The following COG4 variants were observed in gnomAD, a reference collection of about 807,000 sequenced individuals.
The protein encoded by COG4 is conserved oligomeric Golgi complex subunit 4.
Under a neutral mutation model 95.1 loss-of-function variants are expected in COG4, and 65 were observed. That is an observed-to-expected ratio of 0.68 (90% CI 0.56 to 0.84). The LOEUF (loss-of-function observed/expected upper bound fraction) is 0.84. COG4 is among the 40% of genes least tolerant of loss of function. COG4 has a pLI of 0.00. For missense variants in COG4, 1,045 were observed against 989.1 expected, an observed-to-expected ratio of 1.06 and a Z score of -0.76; for synonymous variants, 421 against 374.8, an observed-to-expected ratio of 1.12 and a Z score of -1.42.
chr16:70,494,322 G>A (rs1325056150), intron 12 of COG4, among the ~76,000 whole-genome samples: 1 of 152,166 alleles, frequency 6.6e-6, no homozygotes, highest in Non-Finnish European at 1.5e-5. Flanking sequence ...CCTAGTAAGC[G>A]TGGATTCACT....
chr16:70,503,166 C>T (rs1020916579), intron 8 of COG4, among the ~76,000 whole-genome samples: 2 of 152,180 alleles, frequency 1.3e-5, no homozygotes, highest in African/African-American at 4.8e-5. Context: ...ATCCTCCCAC[C>T]TCAGCCTCCC....
At chr16:70,519,537 T>G (rs1248772550) in intron 2 of COG4, 112 bp downstream of exon 2, 2 of 763,864 alleles carry the variant, frequency 2.6e-6, no homozygotes, top group Non-Finnish European at 4.6e-6. Flanking sequence ...GATAATACCC[T>G]TTACATTTCA....
chr16:70,523,305 G>A, intron 1 of COG4, 68 bp downstream of exon 1: 1 of 1,586,928 alleles, frequency 6.3e-7, no homozygotes, highest in South Asian at 1.1e-5. Flanking sequence ...CCACAGCCCG[G>A]ATTTCCCGAC....
intron 8 of COG4, among the ~76,000 whole-genome samples, chr16:70,506,032 G>C (rs530266693): frequency 1.3e-5 from 2 of 151,926 alleles, no homozygotes; most frequent in African/African-American, 4.8e-5. Context: ...TGTAATTCCA[G>C]CACTTTGGGA....
intron 5 of COG4, among the ~76,000 whole-genome samples, chr16:70,510,464 A>G (rs2049677494): frequency 2.6e-5 from 4 of 152,190 alleles, no homozygotes; most frequent in Admixed American, 2.6e-4. Flanking sequence ...CTGGAACTAT[A>G]GGCGAGAGCC....
In COG4 at chr16:70,483,852, C is replaced by T; in HGVS notation, c.1827+1G>A. 2 of 1,608,938 alleles carry T rather than the reference C, an allele frequency of 1.2e-6. No individual in the cohort carries two copies. Among genetic ancestry groups the T allele is most frequent in the Non-Finnish European group, 1.7e-6 (2 of 1,175,816 alleles). The stretch of plus-strand genomic sequence containing the variant: ...AGTCAGCAGTTGAACCTGGGGCTTA[C>T]CTGCAAGAGGTCTCGGAATTTGTTG... On this transcript the variant is annotated splice_donor_variant, in intron 14 of 18. Transcript: ENST00000323786. LOFTEE classifies it high-confidence loss of function.
At chr16:70,488,668 C>A (rs1319815249) in intron 13 of COG4, among the ~76,000 whole-genome samples, 1 of 152,220 alleles carries the variant, frequency 6.6e-6, no homozygotes, top group Non-Finnish European at 1.5e-5. Context: ...CTGCCTCAGC[C>A]TCCCGAGTAG....
In COG4 at chr16:70,483,868, G is replaced by T; in HGVS notation, c.1812C>A (p.Phe604Leu). The T allele has an allele frequency of 6.2e-7, 1 of 1,613,304 alleles. No individual in the cohort carries two copies. Among genetic ancestry groups the T allele is most frequent in the Non-Finnish European group, 8.5e-7 (1 of 1,179,812 alleles). The change falls in exon 14 of 19, where the codon TTC becomes TTA. Residue 604 changes from phenylalanine (F) to leucine (L), a missense_variant. Phe to Leu is a conservative substitution (Grantham distance 22). Coordinates refer to ENST00000323786, the MANE Select transcript of COG4 (RefSeq NM_015386.3). ...TGGGGCTTACCTGCAAGAGGTCTCGGAATTTGTTGGACACGGCGGCCAAGT... is the reference window on the plus strand; with the variant it reads ...TGGGGCTTACCTGCAAGAGGTCTCGTAATTTGTTGGACACGGCGGCCAAGT... ...LSDLAAVSNK[F>L]RDLLQEGLTE...
At position 70,514,492 on chromosome 16, in the gene COG4, G is replaced by T. The variant is rs778231098; in HGVS notation, c.387C>A (p.Ala129=). ...CCAAGATGTCATCAGCTCTCTGAAT[G>T]GCCTGATAGAGGCGGTTCTGCAAAA... ...LDLAKNRLYQ[A]IQRADDILDL... Residue 129 remains alanine (A), a synonymous_variant, in exon 4 of 19, where the codon GCC becomes GCA. Coordinates refer to ENST00000323786, the MANE Select transcript of COG4 (RefSeq NM_015386.3). 9.3e-6 allele frequency: 15 copies of T among 1,613,876 alleles called. No individual in the cohort carries two copies. Among genetic ancestry groups the T allele is most frequent in the Non-Finnish European group, 1.7e-6 (2 of 1,179,992 alleles).
intron 3 of COG4, chr16:70,516,059 G>T (rs746426670): frequency 2.2e-6 from 1 of 455,916 alleles, no homozygotes. Context: ...AAAGGATATT[G>T]AATTTTGTTA....
chr16:70,519,611 G>T (rs2049892992), intron 2 of COG4, 38 bp downstream of exon 2: 3 of 1,497,478 alleles, frequency 2.0e-6, no homozygotes, highest in Non-Finnish European at 9.3e-7. Context: ...GACCCTGTTG[G>T]AATTTACATT....
At position 70,481,810 on chromosome 16, in the gene COG4, A is replaced by G. The variant is rs1195715087; in HGVS notation, c.2060T>C (p.Val687Ala). The G allele has an allele frequency of 6.2e-7, 1 of 1,614,100 alleles. No homozygotes were observed. ...DSLTGLMTSL[V>A]AVELEKVVLK... ...CACCACTTTCTCCAACTCGACGGCAACAAGGCTAGTCATGAGGCCGGTTAG... is the reference window on the plus strand; with the variant it reads ...CACCACTTTCTCCAACTCGACGGCAGCAAGGCTAGTCATGAGGCCGGTTAG... The change falls in exon 17 of 19, where the codon GTT (valine) becomes GCT (alanine). Residue 687 changes from valine (V) to alanine (A), a missense_variant. Val to Ala is a moderately conservative substitution (Grantham distance 64). Coordinates refer to ENST00000323786, the MANE Select transcript of COG4 (RefSeq NM_015386.3).
chr16:70,510,824 C>T (rs1027439828), intron 5 of COG4, among the ~76,000 whole-genome samples: 1 of 150,142 alleles, frequency 6.7e-6, no homozygotes, highest in African/African-American at 2.5e-5. Context: ...AGTGCAGTGG[C>T]ACAATCTTGG....
At position 70,509,282 on chromosome 16, in the gene COG4, C is replaced by T; in HGVS notation, c.951G>A (p.Gln317=). ...IKYLQVECDR[Q]VEKVVDKFIK... ...TGAACTTGTCTACCACCTTCTCCACCTGTCTGTCACATTCCACCTGCAGAT... is the reference window on the plus strand; with the variant it reads ...TGAACTTGTCTACCACCTTCTCCACTTGTCTGTCACATTCCACCTGCAGAT... Residue 317 remains glutamine, a synonymous_variant, in exon 7 of 19, where the codon CAG becomes CAA. Coordinates refer to ENST00000323786, the MANE Select transcript of COG4 (RefSeq NM_015386.3). 6.2e-7 allele frequency: 1 copy of T among 1,614,230 alleles called. No homozygotes were observed. Among genetic ancestry groups the T allele is most frequent in the Non-Finnish European group, 8.5e-7 (1 of 1,180,046 alleles).
At chr16:70,512,834 T>C (rs1286234061) in intron 4 of COG4, among the ~76,000 whole-genome samples, 1 of 152,118 alleles carries the variant, frequency 6.6e-6, no homozygotes, top group Non-Finnish European at 1.5e-5. Context: ...AAAAATTAGC[T>C]GGGCATGGTG....
chr16:70,509,612 C>A (rs1446936577), intron 6 of COG4, among the ~76,000 whole-genome samples: 2 of 152,142 alleles, frequency 1.3e-5, no homozygotes, highest in East Asian at 1.9e-4. Context: ...TACATTGATA[C>A]TGTTTTCTAC....
Position 70,522,687 on chromosome 16 carries a change from C to G in COG4, c.171+686G>C, listed in dbSNP as rs180688642. The stretch of plus-strand genomic sequence containing the variant: ...ACTAGCAAGGAACCCAACTGACATT[C>G]GAAAGTGAATTGACAGCATCGAGTT... On this transcript the variant is annotated intron_variant, in intron 1 of 18. Transcript: ENST00000323786. Among the ~76,000 whole-genome samples, 15 of 152,208 alleles carry G rather than the reference C, an allele frequency of 9.9e-5. No homozygotes were observed. In the East Asian group the frequency reaches 1.5e-3, roughly 16 times the overall value.
intron 11 of COG4, 104 bp downstream of exon 11, chr16:70,497,117 G>C (rs1049426346): frequency 6.1e-6 from 7 of 1,147,490 alleles, no homozygotes; most frequent in East Asian, 4.7e-5. Flanking sequence ...GTCCTGTATA[G>C]AACTTAACTA....
In COG4 at chr16:70,500,896, C is replaced by T. The variant is rs183372367; in HGVS notation, c.1195+62G>A. On this transcript the variant is annotated intron_variant, in intron 9 of 18. Transcript: ENST00000323786. ...CCTTAATAAGAGATTTGTGGCTTAA[C>T]TATTAAGAAACACTGCCAATTATAC... 10 of 1,595,678 alleles carry T rather than the reference C, an allele frequency of 6.3e-6. No individual in the cohort carries two copies. The African/African-American group carries it at 1.3e-4, about 21-fold the overall frequency.
Sources: allele counts gnomAD v4.1 joint callset (sites outside exome capture counted in the v4.1 genomes callset), GRCh38; gene constraint gnomAD v4.1.1; transcripts MANE v1.5; gene names NCBI Gene and HGNC (gene_info 2026-07-23, HGNC 2026-07-21).